SKIC3: variants seen among roughly 807,000 people sequenced by gnomAD.
SKIC3 encodes superkiller complex protein 3.
chr5:95,485,750 T>C, the SKIC3 span, among the ~76,000 whole-genome samples: 4 of 152,204 alleles, frequency 2.6e-5, no homozygotes, highest in Admixed American at 6.5e-5. Flanking sequence ...CTATTCAAGA[T>C]AGCTGATTAG....
chr5:95,549,366 A>G, the SKIC3 span, among the ~76,000 whole-genome samples: 1 of 152,080 alleles, frequency 6.6e-6, no homozygotes, highest in Non-Finnish European at 1.5e-5. Context: ...ACAGATCCTG[A>G]AAGTCAAACA....
the SKIC3 span, among the ~76,000 whole-genome samples, chr5:95,537,308 T>G: frequency 6.6e-6 from 1 of 152,226 alleles, no homozygotes; most frequent in African/African-American, 2.4e-5. Flanking sequence ...AGTTTTGGAA[T>G]GCATTCTAAC....
chr5:95,503,076 T>C, the SKIC3 span: 3 of 1,578,226 alleles, frequency 1.9e-6, no homozygotes, highest in Admixed American at 1.7e-5. Context: ...GGATTTTTCC[T>C]TTCCAAATTT....
chr5:95,482,633 T>G, the SKIC3 span: 2 of 1,613,802 alleles, frequency 1.2e-6, no homozygotes, highest in African/African-American at 2.7e-5. Flanking sequence ...TTTTAAATTC[T>G]AGAAATCAAA....
At chr5:95,528,129 C>G in the SKIC3 span, 1 of 1,613,746 alleles carries the variant, frequency 6.2e-7, no homozygotes, top group Non-Finnish European at 8.5e-7. Context: ...CCAGACGCAC[C>G]AAGATTATCT....
the SKIC3 span, among the ~76,000 whole-genome samples, chr5:95,526,415 C>T: frequency 2.6e-5 from 4 of 151,934 alleles, no homozygotes; most frequent in East Asian, 5.8e-4. Context: ...TTTGAAGATT[C>T]CCAAGGATAC....
chr5:95,530,798 G>A, the SKIC3 span, among the ~76,000 whole-genome samples: 40,839 of 152,070 alleles, frequency 0.27, 7,766 homozygotes, highest in African/African-American at 0.54. Context: ...ACACTTATGA[G>A]ATAGTCATCC....
the SKIC3 span, among the ~76,000 whole-genome samples, chr5:95,485,691 T>G: frequency 2.0e-5 from 3 of 152,260 alleles, no homozygotes; most frequent in South Asian, 6.2e-4. Flanking sequence ...TGGGTATTAT[T>G]TTTCCTTAAA....
At chr5:95,502,780 C>CAA in the SKIC3 span, 1 of 1,541,112 alleles carries the variant, frequency 6.5e-7, no homozygotes, top group Non-Finnish European at 8.9e-7. Flanking sequence ...TTTGTTCACC[C>CAA]AAAAGTTCCT....
chr5:95,546,915 G>T, the SKIC3 span: 5 of 768,180 alleles, frequency 6.5e-6, no homozygotes, highest in Non-Finnish European at 1.1e-5. Flanking sequence ...CTAACTAGAG[G>T]TTAAAAGTCC....
At chr5:95,551,344 C>T in the SKIC3 span, among the ~76,000 whole-genome samples, 16 of 151,980 alleles carry the variant, frequency 1.1e-4, no homozygotes, top group African/African-American at 3.9e-4. Flanking sequence ...AAAAAACATG[C>T]TACTTCAGAA....
At chr5:95,506,295 C>G in the SKIC3 span, among the ~76,000 whole-genome samples, 1 of 152,156 alleles carries the variant, frequency 6.6e-6, no homozygotes, top group Admixed American at 6.5e-5. Flanking sequence ...AGCACTAATC[C>G]TAAGACATCA....
chr5:95,483,363 T>G, the SKIC3 span, among the ~76,000 whole-genome samples: 1 of 152,174 alleles, frequency 6.6e-6, no homozygotes, highest in Non-Finnish European at 1.5e-5. Flanking sequence ...TTTCTAAAAT[T>G]TATTTGATTG....
the SKIC3 span, chr5:95,513,324 C>T: frequency 4.5e-6 from 2 of 444,328 alleles, no homozygotes; most frequent in East Asian, 4.4e-5. Context: ...CTGCCTCAGC[C>T]TCCTGAGTAG....
chr5:95,540,447 G>A, the SKIC3 span, among the ~76,000 whole-genome samples: 2 of 149,294 alleles, frequency 1.3e-5, no homozygotes, highest in Non-Finnish European at 3.0e-5. Flanking sequence ...AAAAACTTAT[G>A]AAAATTAAAA....
At chr5:95,514,736 GTGAC>G in the SKIC3 span, 1 of 973,092 alleles carries the variant, frequency 1.0e-6, no homozygotes, top group South Asian at 1.4e-5. Context: ...GCTAAGCACA[GTGAC>G]TGGCACAAAG....
the SKIC3 span, among the ~76,000 whole-genome samples, chr5:95,496,678 T>C: frequency 0.012 from 1,858 of 152,210 alleles, 38 homozygotes; most frequent in African/African-American, 0.042. Context: ...AATTTTCAAG[T>C]ACACACAATT....
At chr5:95,471,553 A>G in the SKIC3 span, among the ~76,000 whole-genome samples, 1 of 150,756 alleles carries the variant, frequency 6.6e-6, no homozygotes, top group Admixed American at 6.6e-5. Context: ...TTTTTTTTTC[A>G]ACACTTCAGT....
chr5:95,494,885 TA>T, the SKIC3 span: 1 of 1,590,936 alleles, frequency 6.3e-7, no homozygotes, highest in Non-Finnish European at 8.6e-7. Context: ...ACATAATCCC[TA>T]AGACTATGAA....
Sources: allele counts gnomAD v4.1 joint callset (sites outside exome capture counted in the v4.1 genomes callset), GRCh38; gene constraint gnomAD v4.1.1; transcripts MANE v1.5; gene names NCBI Gene and HGNC (gene_info 2026-07-23, HGNC 2026-07-21).